SHISA9: variants seen among roughly 807,000 people sequenced by gnomAD.
SHISA9 encodes the protein protein shisa-9.
A neutral mutation model predicts 38.0 loss-of-function variants in SHISA9; 13 were observed. The ratio of observed to expected loss-of-function variants is 0.34; its 90% CI spans 0.22 to 0.54. The LOEUF is 0.54. Ranked by LOEUF, SHISA9 falls within the 20% of genes least tolerant of loss-of-function variation. SHISA9 has a pLI of 0.91. For missense variants in SHISA9, 538 were observed against 575.8 expected, an observed-to-expected ratio of 0.93 and a Z score of 0.67; for synonymous variants, 275 against 242.0, an observed-to-expected ratio of 1.14 and a Z score of -1.27.
At chr16:12,940,508 T>C (rs1419561369) in intron 2 of SHISA9, among the ~76,000 whole-genome samples, 1 of 151,736 alleles carries the variant, frequency 6.6e-6, no homozygotes, top group Non-Finnish European at 1.5e-5. Flanking sequence ...CAATCAGGAC[T>C]AGTTTAGACT....
At chr16:13,548,479 A>G in the SHISA9 span, among the ~76,000 whole-genome samples, 1 of 152,256 alleles carries the variant, frequency 6.6e-6, no homozygotes, top group Non-Finnish European at 1.5e-5. Flanking sequence ...GTTAATATCC[A>G]GAACATATAA....
At chr16:12,986,262 A>C (rs898716447) in intron 2 of SHISA9, among the ~76,000 whole-genome samples, 2 of 152,170 alleles carry the variant, frequency 1.3e-5, no homozygotes, top group Non-Finnish European at 2.9e-5. Flanking sequence ...TCCTTTGGAC[A>C]CAGGGAAAGG....
At chr16:13,532,957 G>A in the SHISA9 span, among the ~76,000 whole-genome samples, 2 of 152,024 alleles carry the variant, frequency 1.3e-5, no homozygotes, top group Non-Finnish European at 1.5e-5. Flanking sequence ...CCAAAAGTCT[G>A]GTTTTCTGCC....
chr16:13,034,370 C>A (rs72784428), intron 2 of SHISA9, among the ~76,000 whole-genome samples: 1 of 152,136 alleles, frequency 6.6e-6, no homozygotes, highest in Non-Finnish European at 1.5e-5. Flanking sequence ...GCTAGACTTG[C>A]TAATGAGCAG....
At chr16:13,439,758 G>A in the SHISA9 span, among the ~76,000 whole-genome samples, 144 of 152,268 alleles carry the variant, frequency 9.5e-4, no homozygotes, top group Admixed American at 2.2e-3. Flanking sequence ...AAATGTCTCC[G>A]CTGCTGCCAG....
intron 2 of SHISA9, among the ~76,000 whole-genome samples, chr16:13,169,352 G>T (rs1309754428): frequency 6.6e-6 from 1 of 152,176 alleles, no homozygotes. Context: ...CCCTTTTCAT[G>T]TTATTGGCTG....
chr16:13,241,711 G>C (rs755685180), downstream of SHISA9, among the ~76,000 whole-genome samples: 2 of 152,150 alleles, frequency 1.3e-5, no homozygotes, highest in Non-Finnish European at 2.9e-5. Flanking sequence ...GTCAAGCAAA[G>C]GGGAGATTTG....
intron 3 of SHISA9, among the ~76,000 whole-genome samples, chr16:13,211,016 G>C (rs549975026): frequency 2.1e-4 from 32 of 152,282 alleles, no homozygotes; most frequent in African/African-American, 6.3e-4. Context: ...TAAAAGTTTG[G>C]CTGGGCACAG....
chr16:13,391,389 T>G, the SHISA9 span, among the ~76,000 whole-genome samples: 1 of 151,974 alleles, frequency 6.6e-6, no homozygotes, highest in Non-Finnish European at 1.5e-5. Context: ...CCTTCACAAC[T>G]GAAAAAAGGC....
At chr16:13,019,905 TTCTTTCTTTCTTTCTTTC>T (rs2072820290) in intron 2 of SHISA9, among the ~76,000 whole-genome samples, 1 of 59,382 alleles carries the variant, frequency 1.7e-5, no homozygotes, top group Non-Finnish European at 4.0e-5. Context: ...CTTTCTTTCT[TTCTTTCTTTCTTTCTTTC>T]TTTCTTTCTT....
the SHISA9 span, among the ~76,000 whole-genome samples, chr16:13,479,759 C>T: frequency 3.3e-5 from 5 of 152,268 alleles, no homozygotes; most frequent in East Asian, 7.7e-4. Flanking sequence ...CCCATGCCAT[C>T]GCAATACAAT....
chr16:12,991,346 T>TTTTGG (rs2072383961), intron 2 of SHISA9, among the ~76,000 whole-genome samples: 1 of 152,158 alleles, frequency 6.6e-6, no homozygotes, highest in Admixed American at 6.5e-5. Context: ...AAGAGCTGTC[T>TTTTGG]AGTAGGATGA....
chr16:13,174,843 A>G (rs2050717743), intron 2 of SHISA9, among the ~76,000 whole-genome samples: 1 of 152,214 alleles, frequency 6.6e-6, no homozygotes, highest in Non-Finnish European at 1.5e-5. Context: ...CAGCTCTGAG[A>G]TAGAAAAAGA....
At chr16:13,100,758 A>C (rs1460926731) in intron 2 of SHISA9, among the ~76,000 whole-genome samples, 1 of 152,170 alleles carries the variant, frequency 6.6e-6, no homozygotes, top group Non-Finnish European at 1.5e-5. Context: ...CCCAGGCTGG[A>C]GTGCAGTGAT....
intron 2 of SHISA9, among the ~76,000 whole-genome samples, chr16:13,035,397 A>G (rs2073043359): frequency 6.6e-6 from 1 of 152,154 alleles, no homozygotes; most frequent in Non-Finnish European, 1.5e-5. Flanking sequence ...CTACATCCCT[A>G]CAGTGTATCT....
chr16:13,328,268 A>G, the SHISA9 span, among the ~76,000 whole-genome samples: 2 of 152,128 alleles, frequency 1.3e-5, no homozygotes, highest in Non-Finnish European at 2.9e-5. Context: ...GCTCTCTAGT[A>G]AGAGTCTGTT....
rs539804447 is a variant in SHISA9, at chr16:13,189,142, T to C, written c.692-14252T>C. On this transcript the variant is annotated intron_variant, in intron 2 of 4. Coordinates refer to ENST00000558583, the MANE Select transcript of SHISA9 (RefSeq NM_001145204.3). ...TCTAGCTCTGGGGACTGTGAGATTA[T>C]AGATATATTTCCATTGTTTAAGCCA... 2.0e-5 allele frequency among the ~76,000 whole-genome samples: 3 copies of C among 152,356 alleles called. No homozygotes were observed. In the East Asian group the frequency reaches 5.8e-4, roughly 29 times the overall value.
the SHISA9 span, among the ~76,000 whole-genome samples, chr16:13,320,020 C>T: frequency 5.3e-5 from 8 of 151,914 alleles, no homozygotes; most frequent in Admixed American, 2.6e-4. Context: ...CAGCCGGGCA[C>T]GGTGGCTCGC....
At chr16:13,271,456 G>C in the SHISA9 span, among the ~76,000 whole-genome samples, 1,664 of 152,210 alleles carry the variant, frequency 0.011, 31 homozygotes, top group African/African-American at 0.038. Context: ...TATGACCAGT[G>C]CTGTTATGAA....
Sources: allele counts gnomAD v4.1 joint callset (sites outside exome capture counted in the v4.1 genomes callset), GRCh38; gene constraint gnomAD v4.1.1; transcripts MANE v1.5; gene names NCBI Gene and HGNC (gene_info 2026-07-23, HGNC 2026-07-21).